The following FAM210A variants were observed in gnomAD, a reference collection of about 807,000 sequenced individuals.
The protein encoded by FAM210A is family with sequence similarity 210 member A.
In FAM210A, 13 loss-of-function variants were observed where a neutral mutation model predicts 25.3. That is an observed-to-expected ratio of 0.51 (90% CI 0.33 to 0.82). The LOEUF is 0.82. FAM210A is among the 40% of genes least tolerant of loss of function. The pLI, the probability that FAM210A is intolerant of heterozygous loss-of-function variation, is 0.02. For synonymous variants in FAM210A, 125 were observed against 118.7 expected, an observed-to-expected ratio of 1.05 and a Z score of -0.35; for missense variants, 319 against 323.2, an observed-to-expected ratio of 0.99 and a Z score of 0.10.
intron 1 of FAM210A, among the ~76,000 whole-genome samples, chr18:13,689,110 T>C (rs1438176546): frequency 6.6e-6 from 1 of 152,244 alleles, no homozygotes; most frequent in Admixed American, 6.5e-5. Context: ...ATCTGCTTCC[T>C]CTGTCCCCTT....
At position 13,707,917 on chromosome 18, in the gene FAM210A, T is replaced by C. The variant is rs28843172; in HGVS notation, c.-29+18412A>G. The stretch of plus-strand genomic sequence containing the variant: ...TTCCCTTTTTTTTTTTGTCTATAAA[T>C]CTTCTTCCACCACATGGCTGCGCAG... On this transcript the variant is annotated intron_variant, in intron 1 of 3. Coordinates refer to ENST00000651643, the MANE Select transcript of FAM210A (RefSeq NM_152352.4). Among the ~76,000 whole-genome samples, 688 of 152,148 alleles carry C rather than the reference T, an allele frequency of 4.5e-3. 6 individuals carry two copies. The highest frequency in any genetic ancestry group is 0.016 in the African/African-American group (650 of 41,502).
intron 1 of FAM210A, among the ~76,000 whole-genome samples, chr18:13,685,690 T>C (rs1318074786): frequency 6.6e-6 from 1 of 152,214 alleles, no homozygotes; most frequent in African/African-American, 2.4e-5. Flanking sequence ...TACTGACTGA[T>C]GTCTTATGCC....
At chr18:13,686,663 T>TA (rs1239354498) in intron 1 of FAM210A, among the ~76,000 whole-genome samples, 1 of 152,142 alleles carries the variant, frequency 6.6e-6, no homozygotes, top group African/African-American at 2.4e-5. Flanking sequence ...TTATCAAACT[T>TA]AGATGAAATG....
chr18:13,711,929 A>G (rs73958024), intron 1 of FAM210A, among the ~76,000 whole-genome samples: 1,628 of 152,320 alleles, frequency 0.011, 33 homozygotes, highest in African/African-American at 0.037. Context: ...TATCAAATTC[A>G]GCCAAGGATC....
intron 2 of FAM210A, among the ~76,000 whole-genome samples, chr18:13,677,176 G>A (rs535596840): frequency 1.8e-4 from 27 of 151,360 alleles, no homozygotes; most frequent in African/African-American, 6.5e-4. Context: ...CCGAGTTCAC[G>A]CCATTCTCCT....
chr18:13,668,094 T>A (rs73414549), intron 3 of FAM210A, among the ~76,000 whole-genome samples: 1 of 152,090 alleles, frequency 6.6e-6, no homozygotes, highest in Non-Finnish European at 1.5e-5. Flanking sequence ...AGGTGTGTTG[T>A]ATAACAAAAC....
In FAM210A at chr18:13,691,068, G is replaced by A. The variant is rs1393424887; in HGVS notation, c.-28-8963C>T. ...GTGAAGAGAAGTCCTTAAATGACCC[G>A]ATGGAGCTGAAAACCATAGCACGAG... On this transcript the variant is annotated intron_variant, in intron 1 of 3. Transcript: ENST00000651643. Among the ~76,000 whole-genome samples the A allele has an allele frequency of 7.2e-5, 11 of 152,282 alleles. No individual in the cohort carries two copies. In the South Asian group the frequency reaches 1.7e-3, roughly 23 times the overall value.
intron 1 of FAM210A, among the ~76,000 whole-genome samples, chr18:13,723,976 A>T (rs1052834630): frequency 4.6e-5 from 7 of 152,222 alleles, no homozygotes; most frequent in Non-Finnish European, 8.8e-5. Flanking sequence ...GGAAACTATA[A>T]CATTGTTTCT....
intron 1 of FAM210A, among the ~76,000 whole-genome samples, chr18:13,712,051 G>A (rs2043825951): frequency 6.6e-6 from 1 of 152,064 alleles, no homozygotes; most frequent in Admixed American, 6.6e-5. Flanking sequence ...TGGTCAAGAA[G>A]ATGAAAATGA....
intron 1 of FAM210A, among the ~76,000 whole-genome samples, chr18:13,699,220 TC>T (rs1459545312): frequency 1.3e-5 from 2 of 152,246 alleles, no homozygotes; most frequent in African/African-American, 2.4e-5. Context: ...GTTCTTACTT[TC>T]CTACTCCCTA....
At position 13,664,849 on chromosome 18, in the gene FAM210A, A is replaced by C. The variant is rs1281087958; in HGVS notation, c.*1631T>G. The C allele has an allele frequency of 6.6e-6, 1 of 152,254 alleles. No homozygotes were observed. The highest frequency in any genetic ancestry group is 1.5e-5 in the Non-Finnish European group (1 of 68,040). The allele number at this position is 152,254 out of a possible 1,614,324, so 9.4% of individuals were successfully genotyped here. A position where few individuals can be genotyped will look rare whatever the true frequency, so the allele number is the denominator to read the frequency against. On this transcript the variant is annotated 3_prime_UTR_variant, in exon 4 of 4. Coordinates refer to ENST00000651643, the MANE Select transcript of FAM210A (RefSeq NM_152352.4). ...GGGGTCCCTGCGGGACTGTGTGGCA[A>C]ACCCAGACATTCTCTCGCCTTAGCA...
chr18:13,694,538 A>T (rs897358132), intron 1 of FAM210A, among the ~76,000 whole-genome samples: 1 of 152,232 alleles, frequency 6.6e-6, no homozygotes, highest in Non-Finnish European at 1.5e-5. Flanking sequence ...AATGGAACAG[A>T]ATAGAGCCCT....
At chr18:13,707,018 T>C (rs992641882) in intron 1 of FAM210A, among the ~76,000 whole-genome samples, 1 of 152,238 alleles carries the variant, frequency 6.6e-6, no homozygotes, top group African/African-American at 2.4e-5. Context: ...CTCCCTGGTG[T>C]GCTGTATTCT....
At chr18:13,671,828 T>A (rs758080317) in intron 3 of FAM210A, 34 bp downstream of exon 3, 5 of 1,401,278 alleles carry the variant, frequency 3.6e-6, no homozygotes, top group Non-Finnish European at 5.1e-6. Context: ...CACCAGTGAG[T>A]TCTGAGGAGC....
chr18:13,708,446 G>A (rs751698323), intron 1 of FAM210A, among the ~76,000 whole-genome samples: 7 of 152,154 alleles, frequency 4.6e-5, no homozygotes, highest in Non-Finnish European at 1.0e-4. Context: ...GAGTCTCAAA[G>A]TTCCACCACT....
At chr18:13,692,428 C>T (rs560776540) in intron 1 of FAM210A, among the ~76,000 whole-genome samples, 1 of 152,320 alleles carries the variant, frequency 6.6e-6, no homozygotes, top group Non-Finnish European at 1.5e-5. Context: ...CAGAACTCTC[C>T]ACCCCAAATC....
Position 13,681,711 on chromosome 18 carries a change from A to G in FAM210A, c.367T>C (p.Tyr123His). 6.2e-7 allele frequency: 1 copy of G among 1,614,228 alleles called. No individual in the cohort carries two copies. Among genetic ancestry groups the G allele is most frequent in the Non-Finnish European group, 8.5e-7 (1 of 1,180,032 alleles). ...CTAAATGTCTTCTTGAATCGTTGAT[A>G]AAGACTAATAGATTTGTCTTGCAAA... The part of the protein sequence containing the change: ...DPLQDKSISL[Y>H]QRFKKTFRQY... Residue 123 changes from tyrosine (Y) to histidine (H), a missense_variant, in exon 2 of 4, where the codon TAT becomes CAT. Tyr to His is a moderately conservative substitution (Grantham distance 83). Coordinates refer to ENST00000651643, the MANE Select transcript of FAM210A (RefSeq NM_152352.4).
chr18:13,677,610 G>A (rs575407027), intron 2 of FAM210A, among the ~76,000 whole-genome samples: 1 of 152,100 alleles, frequency 6.6e-6, no homozygotes, highest in Non-Finnish European at 1.5e-5. Flanking sequence ...GTGTGGCGCC[G>A]GGCTGTCTGC....
At chr18:13,712,463 T>C (rs891999973) in intron 1 of FAM210A, among the ~76,000 whole-genome samples, 1 of 152,174 alleles carries the variant, frequency 6.6e-6, no homozygotes, top group African/African-American at 2.4e-5. Flanking sequence ...GATCTGAATA[T>C]TTGTGTCCCT....
Sources: gnomAD v4.1 joint callset for allele counts (sites outside exome capture counted in the v4.1 genomes callset) on GRCh38, gnomAD v4.1.1 for gene constraint, MANE v1.5 for transcripts, NCBI Gene and HGNC (gene_info 2026-07-23, HGNC 2026-07-21) for gene names.